The following ITGA8 variants were observed in gnomAD, a reference collection of about 807,000 sequenced individuals.
ITGA8 encodes integrin subunit alpha 8, also known as integrin alpha-8.
A neutral mutation model predicts 142.3 loss-of-function variants in ITGA8; 91 were observed. The observed-to-expected ratio is 0.64, with a 90% CI of 0.54 to 0.76. The LOEUF (loss-of-function observed/expected upper bound fraction) is 0.76. Ranked by LOEUF, ITGA8 falls within the 30% of genes least tolerant of loss-of-function variation. ITGA8 has a pLI of 0.00. For missense variants in ITGA8, 1,406 were observed against 1,327.7 expected (o/e 1.06, Z -0.92); for synonymous variants, 505 against 485.2 (o/e 1.04, Z -0.54).
At chr10:15,610,324 C>T (rs2131613332) in intron 15 of ITGA8, among the ~76,000 whole-genome samples, 1 of 152,264 alleles carries the variant, frequency 6.6e-6, no homozygotes, top group Non-Finnish European at 1.5e-5. Flanking sequence ...AGCACACATA[C>T]ATCACAGGTC....
chr10:15,668,090 A>C lies in ITGA8; in HGVS notation c.847+3513T>G, dbSNP rs1174448240. Among the ~76,000 whole-genome samples, 4 of 151,552 alleles carry C rather than the reference A, an allele frequency of 2.6e-5. No individual in the cohort carries two copies. The East Asian group carries it at 5.8e-4, about 22-fold the overall frequency. On this transcript the variant is annotated intron_variant, in intron 8 of 29. Transcript: ENST00000378076. Reference sequence around the variant, plus strand: ...GGGTATCCTTGTTAACTTTCTGTCTATTTGATCTGTCTAATGTTGACAGGG... The same window carrying C: ...GGGTATCCTTGTTAACTTTCTGTCTCTTTGATCTGTCTAATGTTGACAGGG...
intron 11 of ITGA8, among the ~76,000 whole-genome samples, chr10:15,649,751 C>A (rs1163688378): frequency 1.3e-5 from 2 of 152,040 alleles, no homozygotes; most frequent in African/African-American, 2.4e-5. Flanking sequence ...CAATGAGATA[C>A]CACTACACAT....
chr10:15,621,854 G>T (rs118107207), intron 13 of ITGA8, among the ~76,000 whole-genome samples: 1,985 of 152,176 alleles, frequency 0.013, 30 homozygotes, highest in Middle Eastern at 0.061. Flanking sequence ...GAAACATAGT[G>T]AGACCCCATT....
At position 15,561,235 on chromosome 10, in the gene ITGA8, G is replaced by GTATATATATA. The variant is rs796194795; in HGVS notation, c.2638-3043_2638-3034dup. On this transcript the variant is annotated intron_variant, in intron 25 of 29. Coordinates refer to ENST00000378076, the MANE Select transcript of ITGA8 (RefSeq NM_003638.3). ...TATATATATATATATATATATATAT[G>GTATATATATA]TATATATATATATATATATGTATGT... Among the ~76,000 whole-genome samples the GTATATATATA allele has an allele frequency of 1.1e-3, 114 of 101,564 alleles. 2 individuals carry two copies. In the East Asian group the frequency reaches 0.033, roughly 29 times the overall value. The allele number at this position is 101,564 out of a possible 152,430, so 66.6% of individuals were successfully genotyped here.
chr10:15,558,206 C>T lies in ITGA8; in HGVS notation c.2638-4G>A. The T allele has an allele frequency of 1.2e-6, 2 of 1,613,046 alleles. No homozygotes were observed. Among genetic ancestry groups the T allele is most frequent in the Non-Finnish European group, 1.7e-6 (2 of 1,179,726 alleles). On this transcript the variant is annotated splice_polypyrimidine_tract_variant and splice_region_variant and intron_variant, in intron 25 of 29. Coordinates refer to ENST00000378076, the MANE Select transcript of ITGA8 (RefSeq NM_003638.3). ...TGTCCTCTGGGGAGGCAGCAGGCTG[C>T]AAAAAGAAAGTGGGAGATACCACAT... is the stretch of plus-strand genomic sequence containing the variant.
intron 11 of ITGA8, among the ~76,000 whole-genome samples, chr10:15,649,033 T>C (rs1294671368): frequency 2.0e-5 from 3 of 152,092 alleles, no homozygotes; most frequent in Non-Finnish European, 4.4e-5. Context: ...GAAGGTTCCA[T>C]GGAGGAGATG....
chr10:15,664,779 T>C (rs1834356095), intron 8 of ITGA8, among the ~76,000 whole-genome samples: 1 of 151,864 alleles, frequency 6.6e-6, no homozygotes, highest in Admixed American at 6.6e-5. Flanking sequence ...TGGTTTTTTG[T>C]CCTTGTGATA....
intron 4 of ITGA8, among the ~76,000 whole-genome samples, 175 bp downstream of exon 4, chr10:15,683,829 G>C (rs1834786127): frequency 6.6e-6 from 1 of 152,146 alleles, no homozygotes; most frequent in Admixed American, 6.5e-5. Flanking sequence ...CCACGCTTTT[G>C]ACTTGCTGTC....
intron 2 of ITGA8, among the ~76,000 whole-genome samples, chr10:15,712,582 C>T (rs866827984): frequency 1.3e-5 from 2 of 152,098 alleles, no homozygotes; most frequent in African/African-American, 4.8e-5. Flanking sequence ...GCCTGGGTGA[C>T]AGAACCAGAC....
intron 28 of ITGA8, among the ~76,000 whole-genome samples, chr10:15,524,130 T>C (rs1428397775): frequency 6.6e-6 from 1 of 152,200 alleles, no homozygotes; most frequent in African/African-American, 2.4e-5. Flanking sequence ...CTTTTACCTG[T>C]AGGACATCCA....
At chr10:15,535,170 C>G (rs553945087) in intron 27 of ITGA8, among the ~76,000 whole-genome samples, 1 of 152,174 alleles carries the variant, frequency 6.6e-6, no homozygotes, top group Non-Finnish European at 1.5e-5. Context: ...GCTGCCTCCC[C>G]CAGGGGCAGG....
In ITGA8 at chr10:15,606,357, T is replaced by C. The variant is rs1833196370; in HGVS notation, c.1830A>G (p.Glu610=). Residue 610 remains glutamate (E), a synonymous_variant, in exon 18 of 30, where the codon GAA becomes GAG. Coordinates refer to ENST00000378076, the MANE Select transcript of ITGA8 (RefSeq NM_003638.3). ...CTTCCAGGCCTTCTTTAAAGGTGGA[T>C]TCGTCCAAACTGTAATTCAAACTAA... is the stretch of plus-strand genomic sequence containing the variant. ...INISLNYSLD[E]STFKEGLEVK... 1.9e-6 allele frequency: 3 copies of C among 1,612,386 alleles called. No homozygotes were observed. In the East Asian group the frequency reaches 6.7e-5, roughly 36 times the overall value.
chr10:15,677,523 A>T, intron 6 of ITGA8, 69 bp downstream of exon 6: 1 of 1,234,176 alleles, frequency 8.1e-7, no homozygotes, highest in Non-Finnish European at 1.2e-6. Flanking sequence ...AACATTTAAC[A>T]CTACTTCTGG....
At chr10:15,566,686 C>T (rs760179069) in intron 25 of ITGA8, among the ~76,000 whole-genome samples, 2 of 151,900 alleles carry the variant, frequency 1.3e-5, no homozygotes, top group Non-Finnish European at 2.9e-5. Flanking sequence ...TGGTACATTC[C>T]TGTAGTCCCA....
At chr10:15,559,174 C>G (rs1833933688) in intron 25 of ITGA8, among the ~76,000 whole-genome samples, 1 of 152,226 alleles carries the variant, frequency 6.6e-6, no homozygotes, top group African/African-American at 2.4e-5. Context: ...GGACGGAGTC[C>G]AGACTCCCTA....
intron 12 of ITGA8, among the ~76,000 whole-genome samples, chr10:15,644,962 G>C (rs1377729423): frequency 1.3e-5 from 2 of 151,070 alleles, no homozygotes; most frequent in African/African-American, 4.9e-5. Flanking sequence ...GCGTAGTGGC[G>C]GGCGCCTGTA....
At chr10:15,527,083 GTTT>G (rs1433980836) in intron 28 of ITGA8, among the ~76,000 whole-genome samples, 2 of 152,158 alleles carry the variant, frequency 1.3e-5, no homozygotes, top group African/African-American at 4.8e-5. Context: ...TCAGAAGAAT[GTTT>G]TAAATAAACG....
rs1272040913 is a variant in ITGA8, at chr10:15,681,792, T to A, written c.568+2212A>T. Among the ~76,000 whole-genome samples the A allele has an allele frequency of 3.3e-5, 5 of 152,242 alleles. No individual in the cohort carries two copies. In the East Asian group the frequency reaches 9.6e-4, roughly 29 times the overall value. ...ACAAGCCAGCTTGTCCATGAGCATA[T>A]GGTCAATATCACAGAACAGGAACAT... On this transcript the variant is annotated intron_variant, in intron 4 of 29. Coordinates refer to ENST00000378076, the MANE Select transcript of ITGA8 (RefSeq NM_003638.3).
rs762567690 is a variant in ITGA8, at chr10:15,646,972, A to G, written c.1081T>C (p.Tyr361His). 1 of 1,613,928 alleles carries G rather than the reference A, an allele frequency of 6.2e-7. No individual in the cohort carries two copies. Among genetic ancestry groups the G allele is most frequent in the Admixed American group, 1.7e-5 (1 of 60,018 alleles). ...ESNPREVGQI[Y>H]LYLQVSSLLF... ...AGAGAGCTCACTTGCAAATACAGGT[A>G]GATTTGCCCTACTTCTCTGGGGTTG... Residue 361 changes from tyrosine to histidine, a missense_variant, in exon 12 of 30, where the codon TAC becomes CAC. Tyr to His is a moderately conservative substitution (Grantham distance 83, BLOSUM62 2). Transcript: ENST00000378076.
Sources: gnomAD v4.1 joint callset for allele counts (sites outside exome capture counted in the v4.1 genomes callset) on GRCh38, gnomAD v4.1.1 for gene constraint, MANE v1.5 for transcripts, NCBI Gene and HGNC (gene_info 2026-07-23, HGNC 2026-07-21) for gene names.